The following TENM2 variants were observed in gnomAD, a reference collection of about 807,000 sequenced individuals.
TENM2 encodes the protein teneurin-2.
In TENM2, 52 loss-of-function variants were observed where a neutral mutation model predicts 245.2. That is an observed-to-expected ratio of 0.21 (90% CI 0.17 to 0.27). The LOEUF is 0.27. Among genes scored for constraint, TENM2 ranks in the 10% least tolerant of loss-of-function variants. The pLI is 1.00. For synonymous variants in TENM2, 1,363 were observed against 1,438.9 expected, an observed-to-expected ratio of 0.95 and a Z score of 1.19; for missense variants, 3,046 against 3,666.8, an observed-to-expected ratio of 0.83 and a Z score of 4.37.
At chr5:168,002,792 A>C (rs1784508905) in intron 5 of TENM2, among the ~76,000 whole-genome samples, 1 of 152,226 alleles carries the variant, frequency 6.6e-6, no homozygotes, top group Non-Finnish European at 1.5e-5. Context: ...GAATAGGTTC[A>C]TGTATATTCA....
At position 168,226,441 on chromosome 5, in the gene TENM2, G is replaced by GACTT. The variant is rs1393793657; in HGVS notation, c.5284+180_5284+183dup. On this transcript the variant is annotated intron_variant, in intron 24 of 28. Transcript: ENST00000518659. ...ATAAGAGGTCAATCTTGTAGAAAAT[G>GACTT]ACTTAATCAGATAGAACAGAATGTC... is the stretch of plus-strand genomic sequence containing the variant. Among the ~76,000 whole-genome samples, 3 of 151,998 alleles carry GACTT rather than the reference G, an allele frequency of 2.0e-5. No homozygotes were observed. The East Asian group carries it at 5.8e-4, about 30-fold the overall frequency.
intron 25 of TENM2, among the ~76,000 whole-genome samples, chr5:168,229,430 G>GA (rs1764620149): frequency 6.6e-6 from 1 of 152,106 alleles, no homozygotes; most frequent in African/African-American, 2.4e-5. Flanking sequence ...TGGGGAGGGG[G>GA]AATGTAATGG....
At chr5:167,494,556 C>T (rs577320533) in intron 2 of TENM2, among the ~76,000 whole-genome samples, 1 of 151,980 alleles carries the variant, frequency 6.6e-6, no homozygotes, top group Non-Finnish European at 1.5e-5. Flanking sequence ...TCCTATGTGT[C>T]CAGTCCAATG....
At chr5:167,289,754 G>C (rs1023770730) in intron 1 of TENM2, among the ~76,000 whole-genome samples, 4 of 152,184 alleles carry the variant, frequency 2.6e-5, no homozygotes, top group Admixed American at 1.3e-4. Context: ...TAGTAAGCTA[G>C]AGTATTACCT....
intron 2 of TENM2, among the ~76,000 whole-genome samples, chr5:167,427,455 A>C (rs1763900390): frequency 6.6e-6 from 1 of 151,688 alleles, no homozygotes; most frequent in Non-Finnish European, 1.5e-5. Context: ...CATCTCAGGA[A>C]AAAAAGAAAG....
the TENM2 span, among the ~76,000 whole-genome samples, chr5:167,081,445 C>CT: frequency 1.7e-4 from 25 of 151,412 alleles, no homozygotes; most frequent in South Asian, 6.3e-4. Context: ...GTTTCTAAGC[C>CT]TTTTTTTTGC....
chr5:167,857,064 C>A (rs1441780876), intron 2 of TENM2, among the ~76,000 whole-genome samples: 3 of 151,472 alleles, frequency 2.0e-5, no homozygotes, highest in Non-Finnish European at 4.4e-5. Flanking sequence ...TAGGAGAGAA[C>A]CTGAAAGGTG....
At chr5:167,922,387 C>T (rs1463074172) in intron 3 of TENM2, among the ~76,000 whole-genome samples, 1 of 130,998 alleles carries the variant, frequency 7.6e-6, no homozygotes, top group African/African-American at 3.6e-5. Context: ...TTTTCCAGCC[C>T]CTCTATCATG....
intron 13 of TENM2, among the ~76,000 whole-genome samples, chr5:168,172,423 A>G (rs1442540829): frequency 1.3e-5 from 2 of 152,202 alleles, no homozygotes; most frequent in East Asian, 3.8e-4. Flanking sequence ...TAAATAAATC[A>G]TGACAATCCC....
At chr5:167,859,096 G>A (rs1344339978) in intron 2 of TENM2, among the ~76,000 whole-genome samples, 29 of 143,936 alleles carry the variant, frequency 2.0e-4, no homozygotes, top group Middle Eastern at 3.6e-3. Flanking sequence ...CATCGTCTGA[G>A]ATGTGGGGAG....
chr5:167,415,265 T>C (rs929727246), intron 2 of TENM2, among the ~76,000 whole-genome samples: 1 of 124,870 alleles, frequency 8.0e-6, no homozygotes, highest in African/African-American at 2.5e-5. Flanking sequence ...AATAAGTGAC[T>C]CTTTAAATGA....
At chr5:167,185,825 G>A in the TENM2 span, among the ~76,000 whole-genome samples, 3 of 152,056 alleles carry the variant, frequency 2.0e-5, no homozygotes, top group African/African-American at 4.8e-5. Flanking sequence ...TGCGGGGACA[G>A]GAGACAAAGC....
intron 9 of TENM2, among the ~76,000 whole-genome samples, chr5:168,107,598 G>A (rs1309531097): frequency 6.6e-6 from 1 of 151,998 alleles, no homozygotes; most frequent in Non-Finnish European, 1.5e-5. Context: ...CACATTCCGA[G>A]AATGAAGATC....
the TENM2 span, among the ~76,000 whole-genome samples, chr5:167,130,914 A>ATTT: frequency 9.5e-5 from 12 of 126,212 alleles, no homozygotes; most frequent in African/African-American, 4.7e-4. Context: ...TTTTTTTTTA[A>ATTT]AAAAAAAAAA....
chr5:167,402,842 T>C (rs1234301414), intron 2 of TENM2, among the ~76,000 whole-genome samples: 3 of 152,282 alleles, frequency 2.0e-5, no homozygotes, highest in Non-Finnish European at 4.4e-5. Flanking sequence ...CAATGAGACA[T>C]GCAGCCTTGT....
chr5:167,170,659 G>A, the TENM2 span, among the ~76,000 whole-genome samples: 1 of 151,910 alleles, frequency 6.6e-6, no homozygotes, highest in Non-Finnish European at 1.5e-5. Context: ...TTTTTATTTT[G>A]GTTTAATTTA....
At chr5:167,673,260 G>A (rs546826597) in intron 2 of TENM2, among the ~76,000 whole-genome samples, 1 of 151,916 alleles carries the variant, frequency 6.6e-6, no homozygotes, top group East Asian at 1.9e-4. Context: ...GTTCAGTATT[G>A]TTTCAATTTT....
At chr5:167,911,544 A>G (rs1341358947) in intron 3 of TENM2, among the ~76,000 whole-genome samples, 1 of 152,198 alleles carries the variant, frequency 6.6e-6, no homozygotes, top group Non-Finnish European at 1.5e-5. Context: ...AAAACAAAAC[A>G]AAACAAAAAC....
At chr5:167,313,223 A>G (rs933236208) in intron 1 of TENM2, among the ~76,000 whole-genome samples, 4 of 151,918 alleles carry the variant, frequency 2.6e-5, no homozygotes, top group African/African-American at 7.2e-5. Flanking sequence ...TCTTGGCTCA[A>G]TTTTCTCTGT....
Sources: allele counts gnomAD v4.1 joint callset (sites outside exome capture counted in the v4.1 genomes callset), GRCh38; gene constraint gnomAD v4.1.1; transcripts MANE v1.5; gene names NCBI Gene and HGNC (gene_info 2026-07-23, HGNC 2026-07-21).